Variants in CHUK observed in about 807,000 individuals in gnomAD.
The protein encoded by CHUK is component of inhibitor of nuclear factor kappa B kinase complex.
CHUK carries 35 observed loss-of-function variants against 104.8 expected under a neutral mutation model. That is an observed-to-expected ratio of 0.33 (90% CI 0.26 to 0.44). The LOEUF is 0.44. Ranked by LOEUF, CHUK falls within the 20% of genes least tolerant of loss-of-function variation. The pLI, the probability that CHUK is intolerant of heterozygous loss-of-function variation, is 1.00. For missense variants in CHUK, 663 were observed against 902.7 expected (o/e 0.73, Z 3.40); for synonymous variants, 276 against 291.9 (o/e 0.95, Z 0.56).
chr10:100,205,372 T>C (rs1845566835), intron 11 of CHUK, among the ~76,000 whole-genome samples, 173 bp from the exon 12 acceptor site: 1 of 152,140 alleles, frequency 6.6e-6, no homozygotes, highest in African/African-American at 2.4e-5. Flanking sequence ...TCAATATACA[T>C]TTACAGAGCA....
chr10:100,207,046 T>C (rs1845604986), intron 11 of CHUK, among the ~76,000 whole-genome samples, 184 bp downstream of exon 11: 1 of 152,214 alleles, frequency 6.6e-6, no homozygotes, highest in Non-Finnish European at 1.5e-5. Flanking sequence ...AGATTTAATA[T>C]CTACCTTTTC....
chr10:100,209,070 A>G (rs1845659930), intron 10 of CHUK, among the ~76,000 whole-genome samples: 1 of 152,230 alleles, frequency 6.6e-6, no homozygotes. Flanking sequence ...ATTTAGAGTA[A>G]GTAAATTTAC....
In CHUK at chr10:100,207,286, GTTTTAC is replaced by G; in HGVS notation, c.1169_1174del (p.Ser390_Lys391del). ...GGAAGCAAATGGCCCTTCATATACA[GTTTTAC>G]TTTTATCAAACAAATAAACCATATA... On this transcript the variant is annotated inframe_deletion, in exon 11 of 21. Transcript: ENST00000370397. The G allele has an allele frequency of 6.3e-7, 1 of 1,576,384 alleles. No homozygotes were observed. Among genetic ancestry groups the G allele is most frequent in the Non-Finnish European group, 8.7e-7 (1 of 1,146,656 alleles).
intron 20 of CHUK, 177 bp downstream of exon 20, chr10:100,190,692 T>C: frequency 1.5e-6 from 1 of 645,454 alleles, no homozygotes; most frequent in Non-Finnish European, 2.8e-6. Flanking sequence ...TCCTAGTATA[T>C]CCCTGAGTAA....
Position 100,204,671 on chromosome 10 carries a change from A to AG in CHUK, c.1356-15dup. On this transcript the variant is annotated splice_polypyrimidine_tract_variant and intron_variant, in intron 12 of 20. Coordinates refer to ENST00000370397, the MANE Select transcript of CHUK (RefSeq NM_001278.5). ...AGAAGACTTAACCTAAACCACAGCA[A>AG]GAAAAAAAAGAAAAAGAAAAAAGAT... 1 of 1,573,374 alleles carries AG rather than the reference A, an allele frequency of 6.4e-7. No individual in the cohort carries two copies.
intron 15 of CHUK, 119 bp downstream of exon 15, chr10:100,200,552 A>G (rs1845437275): frequency 2.9e-6 from 2 of 689,270 alleles, no homozygotes; most frequent in Non-Finnish European, 5.3e-6. Flanking sequence ...TAATGCCAAT[A>G]TATTTGGGGA....
rs1212183057 is a variant in CHUK, at chr10:100,188,348, TGAATA to T, written c.*1245_*1249del. On this transcript the variant is annotated 3_prime_UTR_variant, in exon 21 of 21. Coordinates refer to ENST00000370397, the MANE Select transcript of CHUK (RefSeq NM_001278.5). ...TTTTATTATAATCTGATTTTTATAA[TGAATA>T]GAGATCAAGAAAGTAATTTAAAAAC... 6.6e-6 allele frequency: 1 copy of T among 152,638 alleles called. No individual in the cohort carries two copies. Among genetic ancestry groups the T allele is most frequent in the Non-Finnish European group, 1.5e-5 (1 of 68,038 alleles). The allele number at this position is 152,638 out of a possible 1,614,324, so 9.5% of individuals were successfully genotyped here.
intron 4 of CHUK, among the ~76,000 whole-genome samples, chr10:100,221,145 G>T (rs1845976992): frequency 6.6e-6 from 1 of 152,096 alleles, no homozygotes; most frequent in Non-Finnish European, 1.5e-5. Context: ...TCACCCTGAA[G>T]AGTTGACTTG....
intron 16 of CHUK, 153 bp from the exon 17 acceptor site, chr10:100,194,674 A>G (rs893116727): frequency 2.7e-5 from 15 of 564,108 alleles, no homozygotes; most frequent in Admixed American, 9.0e-5. Context: ...GATAAAAGAT[A>G]TAAAGATTAC....
intron 2 of CHUK, among the ~76,000 whole-genome samples, chr10:100,224,061 C>T (rs1309332248): frequency 6.6e-6 from 1 of 151,440 alleles, no homozygotes; most frequent in Non-Finnish European, 1.5e-5. Context: ...AAAGATACGT[C>T]GGTTTTCATC....
chr10:100,194,590 C>T lies in CHUK; in HGVS notation c.1730-69G>A, dbSNP rs17878999. 0.058 allele frequency: 53,611 copies of T among 923,584 alleles called. 1,909 individuals carry two copies. Among genetic ancestry groups the T allele is most frequent in the African/African-American group, 0.14 (8,323 of 61,272 alleles). The allele number at this position is 923,584 out of a possible 1,614,324, so 57.2% of individuals were successfully genotyped here. On this transcript the variant is annotated intron_variant, in intron 16 of 20. Transcript: ENST00000370397. ...CATATCAGCCTCCAAACAAAAAATT[C>T]CTCAAAAATCCCTGAAACTCTGAAA...
chr10:100,212,549 T>C (rs1269866278), intron 9 of CHUK, among the ~76,000 whole-genome samples: 1 of 152,216 alleles, frequency 6.6e-6, no homozygotes, highest in Non-Finnish European at 1.5e-5. Context: ...TAATTTCTTA[T>C]TGGATGTATG....
chr10:100,218,105 A>T lies in CHUK; in HGVS notation c.823T>A (p.Trp275Arg). The T allele has an allele frequency of 6.2e-7, 1 of 1,612,658 alleles. No individual in the cohort carries two copies. Among genetic ancestry groups the T allele is most frequent in the Non-Finnish European group, 8.5e-7 (1 of 1,178,688 alleles). Residue 275 changes from tryptophan to arginine, a missense_variant, in exon 9 of 21, where the codon TGG becomes AGG. By Grantham distance (101) the Trp-to-Arg change is moderately radical (BLOSUM62 -3). Around this residue, in one of 5 missense-constraint regions of CHUK, gnomAD observed 200 missense variants for 333.0 expected, o/e 0.60. Transcript: ENST00000370397. ...CSLVVEPMEN[W>R]LQLMLNWDPQ... ...TCCCAATTCAACATCAACTGTAGCC[A>T]GTTTTCCATGGGTTCTACTACTAAA...
intron 5 of CHUK, 118 bp from the exon 6 acceptor site, chr10:100,219,477 A>G (rs1845937536): frequency 3.0e-6 from 2 of 672,442 alleles, no homozygotes; most frequent in South Asian, 1.6e-5. Context: ...GCTCTGTAAT[A>G]ACACAAAAAT....
intron 2 of CHUK, 41 bp downstream of exon 2, chr10:100,225,882 G>T: frequency 8.9e-7 from 1 of 1,123,604 alleles, no homozygotes; most frequent in Non-Finnish European, 1.4e-6. Context: ...ATCTGGTTGG[G>T]CTGTAGAACC....
chr10:100,190,922 G>A lies in CHUK; in HGVS notation c.2155C>T (p.His719Tyr). The A allele has an allele frequency of 6.2e-7, 1 of 1,612,618 alleles. No individual in the cohort carries two copies. Among genetic ancestry groups the A allele is most frequent in the Non-Finnish European group, 8.5e-7 (1 of 1,178,628 alleles). Residue 719 changes from histidine to tyrosine, a missense_variant, in exon 20 of 21, where the codon CAT (histidine) becomes TAT (tyrosine). By Grantham distance (83) the His-to-Tyr change is moderately conservative. Coordinates refer to ENST00000370397, the MANE Select transcript of CHUK (RefSeq NM_001278.5). The part of the protein sequence containing the change: ...MIEENLNCLG[H>Y]LSTIIHEANE... ...GCCTCATGAATAATAGTGCTTAAATGGCCAAGGCAGTTCAAATTTTCTTCT... is the reference window on the plus strand; with the variant it reads ...GCCTCATGAATAATAGTGCTTAAATAGCCAAGGCAGTTCAAATTTTCTTCT...
In CHUK at chr10:100,209,629, C is replaced by T. The variant is rs370134476; in HGVS notation, c.1094G>A (p.Arg365Gln). 1.9e-5 allele frequency: 31 copies of T among 1,610,636 alleles called. No individual in the cohort carries two copies. The highest frequency in any genetic ancestry group is 2.2e-5 in the South Asian group (2 of 91,016). The change falls in exon 10 of 21, where the codon CGG (arginine) becomes CAG (glutamine). Residue 365 changes from arginine to glutamine, a missense_variant. Arg to Gln is a conservative substitution (Grantham distance 43). Coordinates refer to ENST00000370397, the MANE Select transcript of CHUK (RefSeq NM_001278.5). The stretch of plus-strand genomic sequence containing the variant: ...TAGAACACATTGAGAGGCTGGTTTC[C>T]GAGGATCCAGAGAAATTCCTGTCTC... Reference protein sequence around the residue: ...LSETGISLDPRKPASQCVLDG... With the variant: ...LSETGISLDPQKPASQCVLDG...
chr10:100,221,741 G>A (rs1053460593), intron 4 of CHUK, among the ~76,000 whole-genome samples: 2 of 152,052 alleles, frequency 1.3e-5, no homozygotes, highest in African/African-American at 2.4e-5. Context: ...GGGTTCAAGC[G>A]ATTCTCCTGC....
At chr10:100,220,170 CT>C (rs1182947618) in intron 5 of CHUK, among the ~76,000 whole-genome samples, 1 of 151,528 alleles carries the variant, frequency 6.6e-6, no homozygotes, top group Non-Finnish European at 1.5e-5. Flanking sequence ...TATATACTTT[CT>C]TTTTTTTCTT....
Sources: allele counts gnomAD v4.1 joint callset (sites outside exome capture counted in the v4.1 genomes callset), GRCh38; gene constraint gnomAD v4.1.1; regional missense constraint gnomAD v4.1.1; transcripts MANE v1.5; gene names NCBI Gene and HGNC (gene_info 2026-07-23, HGNC 2026-07-21).